The following SCFD2 variants were observed in gnomAD, a reference collection of about 807,000 sequenced individuals.
SCFD2 encodes the protein sec1 family domain containing 2, also known as sec1 family domain-containing protein 2.
In SCFD2, 54 loss-of-function variants were observed where a neutral mutation model predicts 58.9. The ratio of observed to expected loss-of-function variants is 0.92; its 90% confidence interval spans 0.74 to 1.15. SCFD2 has a LOEUF of 1.15. SCFD2 is among the 50% of genes most tolerant of loss of function. SCFD2 has a pLI of 0.00. For missense variants in SCFD2, 805 were observed against 836.6 expected (o/e 0.96, Z 0.47); for synonymous variants, 321 against 335.9 (o/e 0.96, Z 0.49).
chr4:53,135,074 A>AT (rs1046665833), intron 5 of SCFD2, among the ~76,000 whole-genome samples: 53 of 148,654 alleles, frequency 3.6e-4, no homozygotes, highest in South Asian at 6.4e-4. Flanking sequence ...AACAAATGTA[A>AT]TTTTTTTTTT....
intron 5 of SCFD2, among the ~76,000 whole-genome samples, chr4:53,110,504 C>T (rs1168955879): frequency 6.6e-6 from 1 of 152,132 alleles, no homozygotes; most frequent in African/African-American, 2.4e-5. Flanking sequence ...TGACAAAGGG[C>T]TAATATCCAG....
At chr4:52,962,800 T>C (rs1720881861) in intron 5 of SCFD2, among the ~76,000 whole-genome samples, 1 of 152,246 alleles carries the variant, frequency 6.6e-6, no homozygotes, top group African/African-American at 2.4e-5. Flanking sequence ...TCCCAGATGA[T>C]GGAATCTGAC....
At chr4:53,279,289 T>C (rs1261903198) in intron 3 of SCFD2, among the ~76,000 whole-genome samples, 1 of 152,194 alleles carries the variant, frequency 6.6e-6, no homozygotes, top group Non-Finnish European at 1.5e-5. Flanking sequence ...TTTTCTTTCT[T>C]CTTATTTTTC....
At chr4:53,314,366 C>T (rs1363098502) in intron 2 of SCFD2, among the ~76,000 whole-genome samples, 1 of 152,112 alleles carries the variant, frequency 6.6e-6, no homozygotes, top group African/African-American at 2.4e-5. Context: ...TACAATTAAC[C>T]GTTGATAACA....
At chr4:52,991,566 A>G (rs910470127) in intron 5 of SCFD2, among the ~76,000 whole-genome samples, 1 of 152,166 alleles carries the variant, frequency 6.6e-6, no homozygotes, top group Admixed American at 6.5e-5. Context: ...TGGCACCCAG[A>G]GACAAAGTTC....
At position 52,935,396 on chromosome 4, in the gene SCFD2, C is replaced by G. The variant is rs142920575; in HGVS notation, c.1562-14526G>C. On this transcript the variant is annotated intron_variant, in intron 5 of 8. Coordinates refer to ENST00000401642, the MANE Select transcript of SCFD2 (RefSeq NM_152540.4). Reference sequence around the variant, plus strand: ...AAGCAATTCCACCTTGAAAGCTAATCTACCATGTTGGCTCCTGATCAACAC... The same window carrying G: ...AAGCAATTCCACCTTGAAAGCTAATGTACCATGTTGGCTCCTGATCAACAC... Among the ~76,000 whole-genome samples the G allele has an allele frequency of 2.0e-5, 3 of 152,328 alleles. No individual in the cohort carries two copies. The East Asian group carries it at 5.8e-4, about 29-fold the overall frequency.
intron 4 of SCFD2, among the ~76,000 whole-genome samples, chr4:53,226,521 A>T (rs1276834809): frequency 3.3e-5 from 5 of 152,152 alleles, no homozygotes; most frequent in Non-Finnish European, 5.9e-5. Context: ...CAAATTATTT[A>T]AAAAATTTTT....
At chr4:53,082,575 T>C (rs62338970) in intron 5 of SCFD2, among the ~76,000 whole-genome samples, 25,327 of 152,104 alleles carry the variant, frequency 0.17, 2,547 homozygotes, top group Middle Eastern at 0.26. Flanking sequence ...ATTATTTTTA[T>C]GTTTGTCTGT....
chr4:53,254,377 T>G (rs1730518029), intron 4 of SCFD2, among the ~76,000 whole-genome samples: 1 of 152,164 alleles, frequency 6.6e-6, no homozygotes, highest in African/African-American at 2.4e-5. Context: ...CCTGCCACCC[T>G]GTGAAGAAGA....
In SCFD2 at chr4:53,225,289, T is replaced by A. The variant is rs189119042; in HGVS notation, c.1311+48537A>T. Among the ~76,000 whole-genome samples the A allele has an allele frequency of 2.0e-3, 308 of 152,320 alleles. 1 individual carries two copies. The highest frequency in any genetic ancestry group is 7.1e-3 in the African/African-American group (295 of 41,590). ...CCCAACACTAATTATTATTTGATAA[T>A]CTTTGATAATTTTAAGTGGTAAATT... On this transcript the variant is annotated intron_variant, in intron 4 of 8. Transcript: ENST00000401642.
chr4:53,226,100 G>A (rs1729205139), intron 4 of SCFD2, among the ~76,000 whole-genome samples: 1 of 151,978 alleles, frequency 6.6e-6, no homozygotes, highest in Admixed American at 6.6e-5. Flanking sequence ...CTGCAACCAG[G>A]CTGGTTTTGG....
intron 4 of SCFD2, among the ~76,000 whole-genome samples, chr4:53,170,470 G>T (rs1377989238): frequency 6.6e-6 from 1 of 152,074 alleles, no homozygotes; most frequent in Admixed American, 6.6e-5. Context: ...GTAGTGCAGC[G>T]CCTCCAGCTT....
At chr4:52,882,819 A>G (rs1370104236) in intron 8 of SCFD2, among the ~76,000 whole-genome samples, 1 of 152,122 alleles carries the variant, frequency 6.6e-6, no homozygotes, top group Non-Finnish European at 1.5e-5. Context: ...ATCTACATTT[A>G]TCCTATTAGT....
chr4:53,107,598 T>C lies in SCFD2; in HGVS notation c.1561+37735A>G, dbSNP rs1725043950. On this transcript the variant is annotated intron_variant, in intron 5 of 8. Transcript: ENST00000401642. Reference sequence around the variant, plus strand: ...GATCCTAGTCCCCGATTAAACAGACTTTAAACCAACAAAGATCAAAAAAGA... The same window carrying C: ...GATCCTAGTCCCCGATTAAACAGACCTTAAACCAACAAAGATCAAAAAAGA... Among the ~76,000 whole-genome samples the C allele has an allele frequency of 2.6e-5, 4 of 152,096 alleles. No individual in the cohort carries two copies. In the South Asian group the frequency reaches 8.3e-4, roughly 31 times the overall value.
intron 5 of SCFD2, among the ~76,000 whole-genome samples, chr4:53,124,730 T>C (rs888354374): frequency 7.2e-5 from 11 of 152,156 alleles, no homozygotes; most frequent in East Asian, 5.8e-4. Flanking sequence ...CTAGCCTCCA[T>C]TGAGTTTAAA....
rs138383596 is a variant in SCFD2, at chr4:53,010,206, T to C, written c.1562-89336A>G. 3.6e-3 allele frequency among the ~76,000 whole-genome samples: 550 copies of C among 152,358 alleles called. 5 individuals carry two copies. The highest frequency in any genetic ancestry group is 0.012 in the African/African-American group (515 of 41,576). On this transcript the variant is annotated intron_variant, in intron 5 of 8. Coordinates refer to ENST00000401642, the MANE Select transcript of SCFD2 (RefSeq NM_152540.4). ...TTGCTCTGGCCTCAAAGAAAACATA[T>C]TCAACACATTTCTATAGCTTTACAA...
chr4:53,326,955 G>A (rs181624266), intron 2 of SCFD2, among the ~76,000 whole-genome samples: 138 of 149,154 alleles, frequency 9.3e-4, no homozygotes, highest in African/African-American at 3.3e-3. Flanking sequence ...GATCACTTAA[G>A]TTTAACAACA....
intron 4 of SCFD2, among the ~76,000 whole-genome samples, chr4:53,175,303 G>A (rs1354617175): frequency 6.6e-6 from 1 of 152,082 alleles, no homozygotes; most frequent in Non-Finnish European, 1.5e-5. Context: ...TGTTTTCAGG[G>A]ACTAGGAAAT....
intron 3 of SCFD2, 87 bp from the exon 4 acceptor site, chr4:53,274,088 G>A (rs578196722): frequency 4.3e-6 from 5 of 1,163,496 alleles, no homozygotes; most frequent in Non-Finnish European, 5.9e-6. Context: ...CCACTGTCTT[G>A]TATTTGGGCA....
Sources: allele counts gnomAD v4.1 joint callset (sites outside exome capture counted in the v4.1 genomes callset), GRCh38; gene constraint gnomAD v4.1.1; transcripts MANE v1.5; gene names NCBI Gene and HGNC (gene_info 2026-07-23, HGNC 2026-07-21).